The following PACSIN2 variants were observed in gnomAD, a reference collection of about 807,000 sequenced individuals.
PACSIN2 encodes protein kinase C and casein kinase substrate in neurons 2.
In PACSIN2, 25 loss-of-function variants were observed where a neutral mutation model predicts 63.8. That is an observed-to-expected ratio of 0.39 (90% confidence interval 0.29 to 0.55). The LOEUF is 0.55. Among genes scored for constraint, PACSIN2 ranks in the 20% least tolerant of loss-of-function variants. The pLI is 0.62. For synonymous variants in PACSIN2, 255 were observed against 256.2 expected (o/e 1.00, Z 0.05); for missense variants, 518 against 646.9 (o/e 0.80, Z 2.16).
chr22:42,926,538 G>C lies in PACSIN2; in HGVS notation c.-77-14381C>G, dbSNP rs578050576. 4.6e-5 allele frequency among the ~76,000 whole-genome samples: 7 copies of C among 152,216 alleles called. No homozygotes were observed. The South Asian group carries it at 8.3e-4, about 18-fold the overall frequency. ...AGGGGAATCTTAGGAACTCCACGAGGACACAGAATCACTTCAAAGAAACAC... is the reference window on the plus strand; with the variant it reads ...AGGGGAATCTTAGGAACTCCACGAGCACACAGAATCACTTCAAAGAAACAC... On this transcript the variant is annotated intron_variant, in intron 1 of 10. Transcript: ENST00000263246.
At chr22:42,880,478 C>T (rs1928985952) in intron 7 of PACSIN2, 6 of 152,200 alleles carry the variant, frequency 3.9e-5, no homozygotes, top group Admixed American at 3.9e-4. Context: ...GAAGGGCCGG[C>T]TCTCAATACC....
At chr22:42,987,440 T>C (rs1922695436) in intron 1 of PACSIN2, among the ~76,000 whole-genome samples, 1 of 121,564 alleles carries the variant, frequency 8.2e-6, no homozygotes, top group Admixed American at 9.5e-5. Context: ...CCACCCTGAG[T>C]CCAGGAGCAA....
intron 1 of PACSIN2, among the ~76,000 whole-genome samples, chr22:43,011,987 A>C (rs1924518711): frequency 1.3e-5 from 2 of 152,150 alleles, no homozygotes; most frequent in South Asian, 4.1e-4. Context: ...TCTACTATAA[A>C]TACAAAAATT....
chr22:42,938,901 C>T (rs1933026756), intron 1 of PACSIN2, among the ~76,000 whole-genome samples: 1 of 152,216 alleles, frequency 6.6e-6, no homozygotes, highest in Non-Finnish European at 1.5e-5. Context: ...TTTAAAAATC[C>T]TATATGCAGA....
In PACSIN2 at chr22:42,973,112, G is replaced by A. The variant is rs191655519; in HGVS notation, c.-78+41909C>T. Among the ~76,000 whole-genome samples the A allele has an allele frequency of 1.4e-3, 219 of 152,284 alleles. 1 individual carries two copies. Among genetic ancestry groups the A allele is most frequent in the Admixed American group, 3.5e-3 (54 of 15,298 alleles). On this transcript the variant is annotated intron_variant, in intron 1 of 10. Coordinates refer to ENST00000263246, the MANE Select transcript of PACSIN2 (RefSeq NM_001184970.3). ...CAGCAAACACATCTGGGACATGACCGTCAGCTCAAACAAGAATATCAGTGA... is the reference window on the plus strand; with the variant it reads ...CAGCAAACACATCTGGGACATGACCATCAGCTCAAACAAGAATATCAGTGA...
At chr22:42,916,191 G>C (rs903573568) in intron 1 of PACSIN2, among the ~76,000 whole-genome samples, 1 of 152,120 alleles carries the variant, frequency 6.6e-6, no homozygotes, top group South Asian at 2.1e-4. Flanking sequence ...GCCGTGGCAC[G>C]GCCTACCTCA....
rs547572770 is a variant in PACSIN2 at position 42,954,498 on chromosome 22, C to T, written c.-77-42341G>A. ...GCAGCCTCAACCTCCTGGGTGTAAG[C>T]GATCCTCCCACTTGAGCCTTCTGAA... On this transcript the variant is annotated intron_variant, in intron 1 of 10. Transcript: ENST00000263246. Among the ~76,000 whole-genome samples the T allele has an allele frequency of 2.6e-5, 4 of 152,214 alleles. No homozygotes were observed. In the South Asian group the frequency reaches 8.3e-4, roughly 32 times the overall value.
Position 42,938,755 on chromosome 22 carries a change from A to C in PACSIN2, c.-77-26598T>G, listed in dbSNP as rs572746846. ...TGGAGCTCCACGAGGGAAGGGCTTC[A>C]CCCTTTTTATCTAACCCAAAGCAAG... On this transcript the variant is annotated intron_variant, in intron 1 of 10. Transcript: ENST00000263246. 3.3e-5 allele frequency among the ~76,000 whole-genome samples: 5 copies of C among 152,292 alleles called. No individual in the cohort carries two copies. The South Asian group carries it at 1.0e-3, about 32-fold the overall frequency.
chr22:42,943,903 TA>T (rs1164355987), intron 1 of PACSIN2, among the ~76,000 whole-genome samples: 2 of 152,168 alleles, frequency 1.3e-5, no homozygotes, highest in Non-Finnish European at 2.9e-5. Context: ...ACACAATTGA[TA>T]AAAATCTTAT....
intron 1 of PACSIN2, among the ~76,000 whole-genome samples, chr22:43,006,604 CAG>C (rs1341598331): frequency 1.3e-5 from 2 of 152,150 alleles, no homozygotes; most frequent in African/African-American, 4.8e-5. Context: ...CGTTTGAGGT[CAG>C]GAGTTTGAGA....
intron 5 of PACSIN2, among the ~76,000 whole-genome samples, chr22:42,886,460 G>GTACC (rs1929494989): frequency 7.0e-6 from 1 of 142,156 alleles, no homozygotes; most frequent in East Asian, 2.0e-4. Flanking sequence ...AGGTATGTAT[G>GTACC]TACCTACCTA....
At chr22:42,991,411 C>T (rs1314771411) in intron 1 of PACSIN2, among the ~76,000 whole-genome samples, 1 of 152,194 alleles carries the variant, frequency 6.6e-6, no homozygotes, top group East Asian at 1.9e-4. Context: ...CCCACCCCAC[C>T]CATCCAGGCA....
intron 5 of PACSIN2, among the ~76,000 whole-genome samples, chr22:42,888,280 A>C (rs560624664): frequency 4.4e-4 from 67 of 152,018 alleles, no homozygotes; most frequent in African/African-American, 1.4e-3. Flanking sequence ...ACTGGCCACA[A>C]CCATTCACAC....
intron 1 of PACSIN2, among the ~76,000 whole-genome samples, chr22:42,997,571 A>AAAT (rs1923496254): frequency 6.6e-6 from 1 of 150,982 alleles, no homozygotes; most frequent in African/African-American, 2.5e-5. Context: ...AAAAAACAAT[A>AAAT]AATAATAAAT....
rs1356611845 is a variant in PACSIN2 at position 42,935,176 on chromosome 22, C to T, written c.-77-23019G>A. Among the ~76,000 whole-genome samples, 4 of 151,918 alleles carry T rather than the reference C, an allele frequency of 2.6e-5. No homozygotes were observed. In the South Asian group the frequency reaches 6.2e-4, roughly 24 times the overall value. On this transcript the variant is annotated intron_variant, in intron 1 of 10. Transcript: ENST00000263246. ...TCCTGACCTCATGATCTGCCCGTCT[C>T]GGCCTCCCAAAGTGCTGGGATTATA...
At chr22:42,968,822 A>G (rs1057332451) in intron 1 of PACSIN2, among the ~76,000 whole-genome samples, 30 of 151,976 alleles carry the variant, frequency 2.0e-4, no homozygotes, top group African/African-American at 6.8e-4. Flanking sequence ...CAGCCTTTGG[A>G]CTCCTGGACT....
intron 1 of PACSIN2, among the ~76,000 whole-genome samples, chr22:42,920,103 G>A (rs921351752): frequency 1.3e-4 from 20 of 151,822 alleles, no homozygotes; most frequent in African/African-American, 4.6e-4. Context: ...GTGAGACCTG[G>A]TCTCTAAAAG....
intron 1 of PACSIN2, among the ~76,000 whole-genome samples, chr22:42,980,336 G>A (rs1921995221): frequency 6.6e-6 from 1 of 152,170 alleles, no homozygotes; most frequent in African/African-American, 2.4e-5. Context: ...CAACATGGCA[G>A]GACCTTGTCT....
chr22:42,920,996 G>A (rs192690262), intron 1 of PACSIN2, among the ~76,000 whole-genome samples: 1 of 151,720 alleles, frequency 6.6e-6, no homozygotes, highest in Non-Finnish European at 1.5e-5. Flanking sequence ...GGGTTTCGTC[G>A]TATTGCCCAA....
Sources: allele counts gnomAD v4.1 joint callset (sites outside exome capture counted in the v4.1 genomes callset), GRCh38; gene constraint gnomAD v4.1.1; transcripts MANE v1.5; gene names NCBI Gene and HGNC (gene_info 2026-07-23, HGNC 2026-07-21).